Variants in ZBTB45 observed in about 807,000 individuals in gnomAD.
The protein encoded by ZBTB45 is zinc finger and BTB domain containing 45.
A neutral mutation model predicts 28.4 loss-of-function variants in ZBTB45; 22 were observed. The observed-to-expected ratio is 0.77, with a 90% CI of 0.55 to 1.10. The LOEUF (loss-of-function observed/expected upper bound fraction) is 1.10, where lower values mean the gene tolerates loss of function less well. Among genes scored for constraint, ZBTB45 ranks in the 50% least tolerant of loss-of-function variants. The pLI, the probability that ZBTB45 is intolerant of heterozygous loss-of-function variation, is 0.00. For missense variants in ZBTB45, 656 were observed against 750.2 expected (o/e 0.87, Z 1.47); for synonymous variants, 361 against 332.3 (o/e 1.09, Z -0.94).
chr19:58,514,064 G>A lies in ZBTB45; in HGVS notation c.1526C>T (p.Pro509Leu). ...CAGGCCCCAGCGCCATCAGGGCGCA[G>A]GGTGCGCCGCCAGGTGGCGCTCCAG... ...ALLERHLAAH[P>L]AP The change falls in exon 3 of 3, where the codon CCT (proline) becomes CTT (leucine). Residue 509 changes from proline (P) to leucine (L), a missense_variant. Coordinates refer to ENST00000594051, the MANE Select transcript of ZBTB45 (RefSeq NM_001316979.2). The A allele has an allele frequency of 6.7e-7, 1 of 1,490,966 alleles. No individual in the cohort carries two copies. Among genetic ancestry groups the A allele is most frequent in the Non-Finnish European group, 8.9e-7 (1 of 1,125,946 alleles). 92.4% of individuals were successfully genotyped at this position (1,490,966 alleles called of 1,614,324 possible). A position where few individuals can be genotyped will look rare whatever the true frequency, so the allele number is the denominator to read the frequency against.
intron 1 of ZBTB45, among the ~76,000 whole-genome samples, chr19:58,535,668 A>C (rs768043905): frequency 7.4e-4 from 113 of 152,332 alleles, no homozygotes; most frequent in Non-Finnish European, 1.4e-3. Context: ...AGGCCTGGCC[A>C]TACATTGTAA....
Position 58,517,020 on chromosome 19 carries a change from G to T in ZBTB45, c.654C>A (p.Thr218=). 1 of 1,613,272 alleles carries T rather than the reference G, an allele frequency of 6.2e-7. No individual in the cohort carries two copies. ...CGCCACCTTCGCCATCCTCGCCATC[G>T]GTCTCATCGTCACTTTCCTCGTCAT... is the stretch of plus-strand genomic sequence containing the variant. ...DEDDEESDDE[T]DGEDGEGGGP... Residue 218 remains threonine (T), a synonymous_variant, in exon 2 of 3, where the codon ACC becomes ACA. Transcript: ENST00000594051.
chr19:58,513,788 G>C lies in ZBTB45; in HGVS notation c.*266C>G, dbSNP rs932286127. 1.1e-4 allele frequency: 41 copies of C among 389,170 alleles called. No homozygotes were observed. Among genetic ancestry groups the C allele is most frequent in the Non-Finnish European group, 2.2e-5 (5 of 224,346 alleles). 24.1% of individuals were successfully genotyped at this position (389,170 alleles called of 1,614,324 possible). On this transcript the variant is annotated 3_prime_UTR_variant, in exon 3 of 3. Transcript: ENST00000594051. ...GCCGGGTCCAAGCGCCTGAGCGCCCGGTTTACGCAGGAAATAGTCCAGTTC... is the reference window on the plus strand; with the variant it reads ...GCCGGGTCCAAGCGCCTGAGCGCCCCGTTTACGCAGGAAATAGTCCAGTTC...
intron 1 of ZBTB45, among the ~76,000 whole-genome samples, chr19:58,531,311 T>C (rs1262907948): frequency 2.0e-5 from 3 of 152,234 alleles, no homozygotes; most frequent in Non-Finnish European, 4.4e-5. Flanking sequence ...AATAGTTGTA[T>C]TGATGTCTAA....
chr19:58,517,928 C>T (rs574352557), intron 1 of ZBTB45, among the ~76,000 whole-genome samples: 4 of 151,900 alleles, frequency 2.6e-5, no homozygotes, highest in Admixed American at 2.0e-4. Flanking sequence ...AACCCTAGCA[C>T]ACCCCTAGGA....
rs761674096 is a variant in ZBTB45, at chr19:58,517,059, GTCA to G, written c.612_614del (p.Asp205del). The G allele has an allele frequency of 1.7e-5, 27 of 1,613,232 alleles. No individual in the cohort carries two copies. Among genetic ancestry groups the G allele is most frequent in the Non-Finnish European group, 2.3e-5 (27 of 1,180,000 alleles). On this transcript the variant is annotated inframe_deletion, in exon 2 of 3. Coordinates refer to ENST00000594051, the MANE Select transcript of ZBTB45 (RefSeq NM_001316979.2). ...TTTCCTCGTCATCCTCGTCACCTCG[GTCA>G]TCAGGGGCCGCGGACAGTGAGGGGT...
chr19:58,530,534 G>A (rs1313239642), intron 1 of ZBTB45, among the ~76,000 whole-genome samples: 1 of 151,778 alleles, frequency 6.6e-6, no homozygotes. Context: ...TCAAACTCCC[G>A]ACCTCAGGTG....
intron 1 of ZBTB45, among the ~76,000 whole-genome samples, chr19:58,533,889 G>A (rs1600071430): frequency 6.6e-6 from 1 of 152,182 alleles, no homozygotes; most frequent in East Asian, 1.9e-4. Flanking sequence ...TAAGCAAACT[G>A]AAGGACATTC....
Position 58,513,784 on chromosome 19 carries a change from G to C in ZBTB45, c.*270C>G. ...TTGGGCCGGGTCCAAGCGCCTGAGC[G>C]CCCGGTTTACGCAGGAAATAGTCCA... On this transcript the variant is annotated 3_prime_UTR_variant, in exon 3 of 3. Transcript: ENST00000594051. 1 of 379,478 alleles carries C rather than the reference G, an allele frequency of 2.6e-6. No homozygotes were observed. The highest frequency in any genetic ancestry group is 4.6e-6 in the Non-Finnish European group (1 of 217,232). 23.5% of individuals were successfully genotyped at this position (379,478 alleles called of 1,614,324 possible). A position where few individuals can be genotyped will look rare whatever the true frequency, so the allele number is the denominator to read the frequency against.
chr19:58,513,630 C>T lies in ZBTB45; in HGVS notation c.*424G>A, dbSNP rs529582393. ...GGTCCACTTGAGTCTCCTTAGGCGC[C>T]CCATGAGGGAGTAACAGCTTGGGTA... is the stretch of plus-strand genomic sequence containing the variant. On this transcript the variant is annotated 3_prime_UTR_variant, in exon 3 of 3. Coordinates refer to ENST00000594051, the MANE Select transcript of ZBTB45 (RefSeq NM_001316979.2). 8.3e-4 allele frequency: 145 copies of T among 175,118 alleles called. No homozygotes were observed. The highest frequency in any genetic ancestry group is 8.4e-4 in the Non-Finnish European group (70 of 83,702). 10.8% of individuals were successfully genotyped at this position (175,118 alleles called of 1,614,324 possible). A position where few individuals can be genotyped will look rare whatever the true frequency, so the allele number is the denominator to read the frequency against.
chr19:58,538,871 C>G (rs922732230), exon 1 of ZBTB45: 1 of 152,190 alleles, frequency 6.6e-6, no homozygotes, highest in Admixed American at 6.5e-5. Context: ...GCCCACCCCC[C>G]CGGGGCCAGC....
chr19:58,524,915 A>C (rs946641025), intron 1 of ZBTB45, among the ~76,000 whole-genome samples: 3 of 152,052 alleles, frequency 2.0e-5, no homozygotes, highest in Non-Finnish European at 4.4e-5. Flanking sequence ...ATTCCAGGCT[A>C]AGCCCAAGGC....
rs1335273044 is a variant in ZBTB45, at chr19:58,515,334, A to AC, written c.1280-1025_1280-1024insG. Among the ~76,000 whole-genome samples the AC allele has an allele frequency of 2.0e-5, 3 of 151,368 alleles. No individual in the cohort carries two copies. The highest frequency in any genetic ancestry group is 6.6e-5 in the Admixed American group (1 of 15,204). ...CGGTCTCAAAAAAAATTAAAAAAAAAAAAACCCTATCTCAGTGGCAGTGGA... is the reference window on the plus strand; with the variant it reads ...CGGTCTCAAAAAAAATTAAAAAAAAACAAAACCCTATCTCAGTGGCAGTGGA... On this transcript the variant is annotated intron_variant, in intron 2 of 2. Coordinates refer to ENST00000594051, the MANE Select transcript of ZBTB45 (RefSeq NM_001316979.2). The surrounding 1 kb of genome is among the most constrained non-coding windows in gnomAD (Gnocchi z 4.7).
chr19:58,515,891 GTT>G lies in ZBTB45; in HGVS notation c.1279+502_1279+503del, dbSNP rs2053486179. Among the ~76,000 whole-genome samples the G allele has an allele frequency of 6.6e-5, 10 of 152,050 alleles. No individual in the cohort carries two copies. The highest frequency in any genetic ancestry group is 5.9e-4 in the Admixed American group (9 of 15,270). ...GCTGTGGAGTCCCCACACTACCTAT[GTT>G]TTCCTACTCATGCCCCAGTCTCAGG... is the stretch of plus-strand genomic sequence containing the variant. On this transcript the variant is annotated intron_variant, in intron 2 of 2. Coordinates refer to ENST00000594051, the MANE Select transcript of ZBTB45 (RefSeq NM_001316979.2). This position sits in a 1 kb window ranked among gnomAD's most constrained non-coding sequence, Gnocchi z 4.7.
At chr19:58,534,534 C>T (rs2122598021) in intron 1 of ZBTB45, among the ~76,000 whole-genome samples, 1 of 149,926 alleles carries the variant, frequency 6.7e-6, no homozygotes, top group African/African-American at 2.5e-5. Flanking sequence ...GGAATATAGG[C>T]ACGTGCCACC....
rs368578765 is a variant in ZBTB45, at chr19:58,516,569, C to T, written c.1105G>A (p.Ala369Thr). ...ACCTCCCCCAGCTGAGTACTGGGGG[C>T]TGCCTCGGGCTGGAGTGTGGGGTAG... ...AFYPTLQPEAAPSTQLGEVPA... is the reference protein window; with the variant it reads ...AFYPTLQPEATPSTQLGEVPA... The change falls in exon 2 of 3, where the codon GCC becomes ACC. Residue 369 changes from alanine to threonine, a missense_variant. Ala to Thr is a moderately conservative substitution (Grantham distance 58). Transcript: ENST00000594051. The surrounding 1 kb of genome is among the most constrained non-coding windows in gnomAD (Gnocchi z 6.2). The T allele has an allele frequency of 6.3e-7, 1 of 1,591,562 alleles. No homozygotes were observed.
chr19:58,532,366 C>T (rs999869977), intron 1 of ZBTB45, among the ~76,000 whole-genome samples: 1 of 152,040 alleles, frequency 6.6e-6, no homozygotes, highest in African/African-American at 2.4e-5. Context: ...TAACATGAAT[C>T]GTAAGAGAGA....
In ZBTB45 at chr19:58,517,475, A is replaced by C; in HGVS notation, c.199T>G (p.Ser67Ala). The C allele has an allele frequency of 6.2e-7, 1 of 1,613,206 alleles. No homozygotes were observed. The highest frequency in any genetic ancestry group is 8.5e-7 in the Non-Finnish European group (1 of 1,179,976). ...ACCACCGGAGGCACACGGATCTCAG[A>C]GTGGCCGAGCAGCAGCTTGTCTTGG... The part of the protein sequence containing the change: ...FFQDKLLLGH[S>A]EIRVPPVVPA... Residue 67 changes from serine to alanine, a missense_variant, in exon 2 of 3, where the codon TCT becomes GCT. Physicochemically the swap from Ser to Ala is moderately conservative, Grantham distance 99. This residue lies in a region of ZBTB45 where 105 missense variants were observed against 152.4 expected (regional missense o/e 0.69). Coordinates refer to ENST00000594051, the MANE Select transcript of ZBTB45 (RefSeq NM_001316979.2).
At chr19:58,514,371 C>T (rs1359619047) in intron 2 of ZBTB45, 61 bp from the exon 3 acceptor site, 4 of 1,328,244 alleles carry the variant, frequency 3.0e-6, no homozygotes, top group African/African-American at 3.3e-5. Context: ...CGCCCCCACC[C>T]CACCCCACCC....
Sources: allele counts gnomAD v4.1 joint callset (sites outside exome capture counted in the v4.1 genomes callset), GRCh38; gene constraint gnomAD v4.1.1; regional missense constraint gnomAD v4.1.1; non-coding constraint Gnocchi (gnomAD v3.1); transcripts MANE v1.5; gene names NCBI Gene and HGNC (gene_info 2026-07-23, HGNC 2026-07-21).